The following TTC28 variants were observed in gnomAD, a reference collection of about 807,000 sequenced individuals.
TTC28 encodes the protein tetratricopeptide repeat domain 28.
Under a neutral mutation model 198.0 loss-of-function variants are expected in TTC28, and 61 were observed. The ratio of observed to expected loss-of-function variants is 0.31; its 90% CI spans 0.25 to 0.38. The LOEUF (loss-of-function observed/expected upper bound fraction) is 0.38. Among genes scored for constraint, TTC28 ranks in the 10% least tolerant of loss-of-function variants. TTC28 has a pLI of 1.00. For missense variants in TTC28, 2,678 were observed against 3,164.0 expected (o/e 0.85, Z 3.69); for synonymous variants, 1,171 against 1,297.8 (o/e 0.90, Z 2.10).
chr22:28,400,196 C>G (rs1569305699), intron 2 of TTC28, among the ~76,000 whole-genome samples: 2 of 152,168 alleles, frequency 1.3e-5, no homozygotes, highest in South Asian at 4.1e-4. Context: ...AAGATGGACT[C>G]CAGCTGGTAT....
chr22:28,292,749 G>T (rs1040194427), intron 5 of TTC28, among the ~76,000 whole-genome samples: 1 of 152,136 alleles, frequency 6.6e-6, no homozygotes, highest in Non-Finnish European at 1.5e-5. Flanking sequence ...TTTCAGCAGT[G>T]ATTAAGACAG....
chr22:28,142,333 G>A (rs1213909034), intron 6 of TTC28, among the ~76,000 whole-genome samples: 1 of 152,206 alleles, frequency 6.6e-6, no homozygotes, highest in African/African-American at 2.4e-5. Context: ...GTCTGTGGGA[G>A]GGGGAAGGGT....
intron 2 of TTC28, among the ~76,000 whole-genome samples, chr22:28,394,092 T>G (rs561022172): frequency 6.6e-6 from 1 of 152,270 alleles, no homozygotes; most frequent in East Asian, 1.9e-4. Context: ...TTTACTCTTT[T>G]TTGTGCATTT....
At chr22:28,325,044 A>G (rs1399234268) in intron 2 of TTC28, among the ~76,000 whole-genome samples, 1 of 139,562 alleles carries the variant, frequency 7.2e-6, no homozygotes, top group Non-Finnish European at 1.5e-5. Context: ...TCGTTTCACA[A>G]GGAATGGTAC....
chr22:28,125,115 T>C (rs1055203300), intron 6 of TTC28, among the ~76,000 whole-genome samples: 1 of 152,210 alleles, frequency 6.6e-6, no homozygotes, highest in African/African-American at 2.4e-5. Flanking sequence ...CCTTTATCAT[T>C]ACCGTATTAC....
chr22:28,170,219 G>A (rs772824189), intron 5 of TTC28, among the ~76,000 whole-genome samples: 11 of 152,054 alleles, frequency 7.2e-5, no homozygotes, highest in Non-Finnish European at 1.6e-4. Flanking sequence ...CGGGTGCGGT[G>A]GCTCACACCT....
chr22:28,466,943 TAAG>T (rs1410986723), intron 2 of TTC28, among the ~76,000 whole-genome samples: 1 of 151,786 alleles, frequency 6.6e-6, no homozygotes, highest in Admixed American at 6.6e-5. Flanking sequence ...TAGAACACAT[TAAG>T]AAGATAATTT....
chr22:28,290,016 C>T (rs917964457), intron 5 of TTC28, among the ~76,000 whole-genome samples: 4 of 151,802 alleles, frequency 2.6e-5, no homozygotes, highest in African/African-American at 9.7e-5. Flanking sequence ...AGAGCGAGAC[C>T]CCATCTCAAA....
At chr22:28,312,927 G>A (rs1005223866) in intron 2 of TTC28, among the ~76,000 whole-genome samples, 2 of 152,084 alleles carry the variant, frequency 1.3e-5, no homozygotes, top group Non-Finnish European at 2.9e-5. Context: ...ACAGGAGCTA[G>A]TTTTTTAAAA....
chr22:28,484,897 C>T (rs150707779), intron 2 of TTC28, among the ~76,000 whole-genome samples: 4 of 152,234 alleles, frequency 2.6e-5, no homozygotes, highest in Admixed American at 2.6e-4. Flanking sequence ...CAAAGTACAC[C>T]AAATAGCATA....
intron 2 of TTC28, among the ~76,000 whole-genome samples, chr22:28,536,786 A>C (rs1601532983): frequency 6.6e-6 from 1 of 152,302 alleles, no homozygotes; most frequent in East Asian, 1.9e-4. Flanking sequence ...ACACCAATAG[A>C]ATTTTTTAAT....
At chr22:28,080,197 T>C (rs932520592) in intron 12 of TTC28, among the ~76,000 whole-genome samples, 2 of 152,226 alleles carry the variant, frequency 1.3e-5, no homozygotes, top group African/African-American at 4.8e-5. Flanking sequence ...TTCAATTCTT[T>C]TGTGTATACC....
At chr22:28,131,495 G>A (rs1324297104) in intron 6 of TTC28, among the ~76,000 whole-genome samples, 1 of 152,156 alleles carries the variant, frequency 6.6e-6, no homozygotes, top group African/African-American at 2.4e-5. Context: ...GCTGACTGGG[G>A]GCTGTGGCTC....
chr22:28,442,758 C>T (rs1253472002), intron 2 of TTC28: 2 of 152,448 alleles, frequency 1.3e-5, no homozygotes, highest in Non-Finnish European at 2.9e-5. Context: ...CCCAAAGGAA[C>T]CAGGGCTGTT....
chr22:28,132,677 T>C (rs942038395), intron 6 of TTC28, among the ~76,000 whole-genome samples: 7 of 152,192 alleles, frequency 4.6e-5, no homozygotes, highest in African/African-American at 1.2e-4. Context: ...TTTATTCAGA[T>C]CATTGGCTAA....
intron 6 of TTC28, among the ~76,000 whole-genome samples, chr22:28,140,143 G>A (rs1329130024): frequency 6.6e-6 from 1 of 152,174 alleles, no homozygotes; most frequent in Non-Finnish European, 1.5e-5. Flanking sequence ...GGGTTGTTGT[G>A]AGGACAAACC....
chr22:28,516,090 G>A (rs1314740332), intron 2 of TTC28, among the ~76,000 whole-genome samples: 3 of 150,898 alleles, frequency 2.0e-5, no homozygotes, highest in Non-Finnish European at 4.4e-5. Flanking sequence ...AGGTTGCAGT[G>A]AGCTGAGATC....
chr22:28,034,278 G>A (rs1020201589), intron 12 of TTC28, among the ~76,000 whole-genome samples: 3 of 152,200 alleles, frequency 2.0e-5, no homozygotes, highest in Admixed American at 6.5e-5. Context: ...AGTGGAAAAG[G>A]AGGGCACTCC....
At chr22:28,650,239 G>A (rs943288217) in intron 1 of TTC28, among the ~76,000 whole-genome samples, 1 of 151,888 alleles carries the variant, frequency 6.6e-6, no homozygotes, top group Non-Finnish European at 1.5e-5. Context: ...CCTTTGCAGG[G>A]GAGAAGAAAA....
Sources: allele counts gnomAD v4.1 joint callset (sites outside exome capture counted in the v4.1 genomes callset), GRCh38; gene constraint gnomAD v4.1.1; transcripts MANE v1.5; gene names NCBI Gene and HGNC (gene_info 2026-07-23, HGNC 2026-07-21).